ITIH5: variants seen among roughly 807,000 people sequenced by gnomAD.
ITIH5 encodes inter-alpha-trypsin inhibitor heavy chain H5.
Under a neutral mutation model 77.5 loss-of-function variants are expected in ITIH5, and 65 were observed. The observed-to-expected ratio is 0.84, with a 90% CI of 0.69 to 1.03. The LOEUF is 1.03. ITIH5 is among the 50% of genes least tolerant of loss of function. The probability of loss-of-function intolerance (pLI) is 0.00; values close to 1 mark genes in which losing one functional copy is unlikely to be tolerated. For synonymous variants in ITIH5, 525 were observed against 494.3 expected (o/e 1.06, Z -0.82); for missense variants, 1,208 against 1,213.1 (o/e 1.00, Z 0.06).
At chr10:7,569,620 T>C (rs564272900) in intron 12 of ITIH5, 48 bp downstream of exon 12, 7 of 1,237,374 alleles carry the variant, frequency 5.7e-6, no homozygotes, top group African/African-American at 3.0e-5. Flanking sequence ...GGGGATGCAG[T>C]ACCTACCTGG....
chr10:7,603,586 T>C (rs1423613894), intron 7 of ITIH5, among the ~76,000 whole-genome samples: 3 of 152,120 alleles, frequency 2.0e-5, no homozygotes, highest in Admixed American at 1.3e-4. Context: ...GTTTTGTTTT[T>C]TGTTTGCTTG....
intron 2 of ITIH5, among the ~76,000 whole-genome samples, chr10:7,643,371 T>C (rs1469059975): frequency 6.6e-6 from 1 of 152,210 alleles, no homozygotes; most frequent in Non-Finnish European, 1.5e-5. Flanking sequence ...CAGTAGGTGT[T>C]TTATTCCCAT....
chr10:7,662,176 G>T (rs937045000), intron 1 of ITIH5, among the ~76,000 whole-genome samples: 5 of 152,056 alleles, frequency 3.3e-5, no homozygotes, highest in Non-Finnish European at 7.4e-5. Context: ...TGGCCAACAC[G>T]GTAAAGCCCC....
intron 5 of ITIH5, among the ~76,000 whole-genome samples, chr10:7,633,148 GA>G (rs1235384598): frequency 1.3e-5 from 2 of 152,224 alleles, no homozygotes; most frequent in African/African-American, 4.8e-5. Context: ...GAATATTGTA[GA>G]GGATAAGAAC....
intron 8 of ITIH5, 108 bp downstream of exon 8, chr10:7,585,793 T>C: frequency 1.0e-6 from 1 of 989,538 alleles, no homozygotes; most frequent in Non-Finnish European, 1.4e-6. Flanking sequence ...CTTCCTGCCA[T>C]CAACCCCAGC....
intron 2 of ITIH5, among the ~76,000 whole-genome samples, chr10:7,649,677 G>T (rs572946975): frequency 2.4e-4 from 36 of 152,274 alleles, no homozygotes; most frequent in African/African-American, 8.7e-4. Context: ...AGAACAGAAA[G>T]AACACTCTAA....
chr10:7,657,350 T>C (rs946386506), intron 1 of ITIH5, among the ~76,000 whole-genome samples: 1 of 152,082 alleles, frequency 6.6e-6, no homozygotes, highest in African/African-American at 2.4e-5. Context: ...CCTGGCCAAG[T>C]TTAACTTTTT....
At chr10:7,614,984 A>G (rs1203272954) in intron 7 of ITIH5, among the ~76,000 whole-genome samples, 1 of 152,206 alleles carries the variant, frequency 6.6e-6, no homozygotes, top group Non-Finnish European at 1.5e-5. Context: ...ATGGTGGCTG[A>G]TGTCTGTAAT....
intron 3 of ITIH5, among the ~76,000 whole-genome samples, chr10:7,641,144 C>T (rs1303122012): frequency 1.3e-5 from 2 of 152,138 alleles, no homozygotes; most frequent in Admixed American, 1.3e-4. Context: ...TTACATCTGA[C>T]CTGGGCCAAA....
In ITIH5 at chr10:7,563,007, A is replaced by T; in HGVS notation, c.*76T>A. On this transcript the variant is annotated 3_prime_UTR_variant, in exon 14 of 14. Coordinates refer to ENST00000397146, the MANE Select transcript of ITIH5 (RefSeq NM_030569.7). ...ATTGCCAGGAGCTGAGGCGTGTACA[A>T]GCCATGAAAAGAGCTGCCCCACGGC... is the stretch of plus-strand genomic sequence containing the variant. 7.6e-7 allele frequency: 1 copy of T among 1,319,478 alleles called. No individual in the cohort carries two copies. Among genetic ancestry groups the T allele is most frequent in the Non-Finnish European group, 1.1e-6 (1 of 915,160 alleles). The allele number at this position is 1,319,478 out of a possible 1,614,324, so 81.7% of individuals were successfully genotyped here.
intron 7 of ITIH5, among the ~76,000 whole-genome samples, chr10:7,602,362 G>A (rs559499423): frequency 2.0e-5 from 3 of 152,280 alleles, no homozygotes; most frequent in Non-Finnish European, 2.9e-5. Context: ...GTTTGCCTGT[G>A]TCCCCACCCG....
chr10:7,561,127 G>A lies in ITIH5; in HGVS notation c.*1956C>T, dbSNP rs1229098670. The A allele has an allele frequency of 6.6e-6, 1 of 151,948 alleles. No homozygotes were observed. Among genetic ancestry groups the A allele is most frequent in the Non-Finnish European group, 1.5e-5 (1 of 68,004 alleles). 9.4% of individuals were successfully genotyped at this position (151,948 alleles called of 1,614,324 possible). A position where few individuals can be genotyped will look rare whatever the true frequency, so the allele number is the denominator to read the frequency against. On this transcript the variant is annotated 3_prime_UTR_variant, in exon 14 of 14. Transcript: ENST00000397146. ...AAAGTAAAATATAATTTTTAAAAAT[G>A]AAAGCTCAACTTTGTTACTTATGTT...
At chr10:7,644,501 CAT>C (rs1488422640) in intron 2 of ITIH5, among the ~76,000 whole-genome samples, 27 of 136,728 alleles carry the variant, frequency 2.0e-4, no homozygotes, top group Admixed American at 1.4e-3. Flanking sequence ...ATCATAATCA[CAT>C]ATATATGATA....
chr10:7,568,846 C>T (rs1832238018), intron 12 of ITIH5, among the ~76,000 whole-genome samples: 1 of 152,180 alleles, frequency 6.6e-6, no homozygotes, highest in Admixed American at 6.5e-5. Flanking sequence ...TCACGGCACA[C>T]AGACAGAACT....
At chr10:7,582,355 T>A (rs1037768324) in intron 8 of ITIH5, among the ~76,000 whole-genome samples, 1 of 152,002 alleles carries the variant, frequency 6.6e-6, no homozygotes, top group Non-Finnish European at 1.5e-5. Flanking sequence ...TACAGTGAGG[T>A]TTCTGGGTTA....
At chr10:7,593,401 C>T (rs1588383325) in intron 7 of ITIH5, among the ~76,000 whole-genome samples, 1 of 126,734 alleles carries the variant, frequency 7.9e-6, no homozygotes, top group Middle Eastern at 4.0e-3. Context: ...CCCCACTCAC[C>T]CCTGCAGCCT....
In ITIH5 at chr10:7,562,922, C is replaced by A. The variant is rs372342625; in HGVS notation, c.*161G>T. 2.6e-5 allele frequency: 17 copies of A among 658,858 alleles called. No homozygotes were observed. The African/African-American group carries it at 3.1e-4, about 12-fold the overall frequency. The allele number at this position is 658,858 out of a possible 1,614,324, so 40.8% of individuals were successfully genotyped here. On this transcript the variant is annotated 3_prime_UTR_variant, in exon 14 of 14. Coordinates refer to ENST00000397146, the MANE Select transcript of ITIH5 (RefSeq NM_030569.7). ...CTTCCCGCCCCTACCCACCCCTACC[C>A]TTCGCCCAGACAGACGTCGGATCTA...
At chr10:7,646,763 G>A (rs1261416336) in intron 2 of ITIH5, among the ~76,000 whole-genome samples, 1 of 152,158 alleles carries the variant, frequency 6.6e-6, no homozygotes, top group Non-Finnish European at 1.5e-5. Context: ...CTCACAGCAT[G>A]GGCCACTACA....
chr10:7,564,308 T>A (rs1387523602), intron 13 of ITIH5, among the ~76,000 whole-genome samples: 1 of 152,258 alleles, frequency 6.6e-6, no homozygotes. Flanking sequence ...CTAATGTTCA[T>A]ATTACATATA....
Sources: gnomAD v4.1 joint callset for allele counts (sites outside exome capture counted in the v4.1 genomes callset) on GRCh38, gnomAD v4.1.1 for gene constraint, MANE v1.5 for transcripts, NCBI Gene and HGNC (gene_info 2026-07-23, HGNC 2026-07-21) for gene names.